ASAH2: variants seen among roughly 807,000 people sequenced by gnomAD.
ASAH2 encodes neutral ceramidase.
A neutral mutation model predicts 82.9 loss-of-function variants in ASAH2; 58 were observed. The ratio of observed to expected loss-of-function variants is 0.70; its 90% CI spans 0.57 to 0.87. The LOEUF is 0.87. ASAH2 is among the 40% of genes least tolerant of loss of function. The pLI is 0.00. For missense variants in ASAH2, 779 were observed against 834.0 expected (o/e 0.93, Z 0.81); for synonymous variants, 276 against 289.7 (o/e 0.95, Z 0.48).
chr10:50,234,646 T>A, intron 5 of ASAH2, 94 bp from the exon 6 acceptor site: 1 of 1,566,734 alleles, frequency 6.4e-7, no homozygotes. Flanking sequence ...CTGTGAACAA[T>A]TTCCTTTGTC....
chr10:50,193,411 G>A (rs1220477135), intron 18 of ASAH2, among the ~76,000 whole-genome samples: 1 of 148,174 alleles, frequency 6.7e-6, no homozygotes, highest in East Asian at 2.1e-4. Flanking sequence ...GCATCATAGA[G>A]AGGATAGCTG....
chr10:50,234,502 A>G lies in ASAH2; in HGVS notation c.738T>C (p.Asn246=), dbSNP rs754661429. The G allele has an allele frequency of 6.2e-7, 1 of 1,612,930 alleles. No individual in the cohort carries two copies. Among genetic ancestry groups the G allele is most frequent in the East Asian group, 2.2e-5 (1 of 44,846 alleles). Residue 246 remains asparagine, a synonymous_variant, in exon 6 of 21, where the codon AAT becomes AAC. Coordinates refer to ENST00000682911, the MANE Select transcript of ASAH2 (RefSeq NM_019893.4). The stretch of plus-strand genomic sequence containing the variant: ...TCTGCACACCATCCACATTTCCTTT[A>G]TTGATGAAGATTTTGCCTGGTTTCA... ...TNMKPGKIFI[N]KGNVDGVQIN...
chr10:50,203,403 A>G (rs1845210533), intron 15 of ASAH2, among the ~76,000 whole-genome samples: 1 of 152,062 alleles, frequency 6.6e-6, no homozygotes, highest in Non-Finnish European at 1.5e-5. Flanking sequence ...TTTAATGTAT[A>G]CAAACATTAT....
chr10:50,202,016 A>G (rs1386712043), intron 16 of ASAH2, among the ~76,000 whole-genome samples: 2 of 152,122 alleles, frequency 1.3e-5, no homozygotes, highest in African/African-American at 4.8e-5. Context: ...GCTTAATAAT[A>G]GTTAGAGGTA....
rs1487915706 is a variant in ASAH2, at chr10:50,245,282, A to G, written c.300T>C (p.Ser100=). ...TPESPLFQNF[S]GYHIGVGRAD... ...CTCGTCCAACACCAATATGGTAGCC[A>G]CTGAAGTTCTGAAATAGAGGAGACT... The change falls in exon 3 of 21, where the codon AGT becomes AGC. Residue 100 remains serine, a synonymous_variant. Transcript: ENST00000682911. The G allele has an allele frequency of 4.3e-6, 7 of 1,614,140 alleles. No homozygotes were observed. The South Asian group carries it at 6.6e-5, about 15-fold the overall frequency.
At position 50,236,036 on chromosome 10, in the gene ASAH2, C is replaced by A; in HGVS notation, c.539G>T (p.Gly180Val). ...EVLNRLQSKYGSLYRRDNVIL... is the reference protein window; with the variant it reads ...EVLNRLQSKYVSLYRRDNVIL... ...GACATTATCTCTTCTGTACAGGGAG[C>A]CATATTTACTCTGCAGTCTGTTCAG... The change falls in exon 5 of 21, where the codon GGC becomes GTC. Residue 180 changes from glycine to valine, a missense_variant. Around this residue, in one of 3 missense-constraint regions of ASAH2, gnomAD observed 759 missense variants for 755.2 expected, o/e 1.00. Transcript: ENST00000682911. 5 of 1,613,110 alleles carry A rather than the reference C, an allele frequency of 3.1e-6. No individual in the cohort carries two copies. In the East Asian group the frequency reaches 1.1e-4, roughly 36 times the overall value.
At chr10:50,200,982 C>A (rs1241737416) in intron 16 of ASAH2, among the ~76,000 whole-genome samples, 1 of 151,812 alleles carries the variant, frequency 6.6e-6, no homozygotes, top group African/African-American at 2.4e-5. Flanking sequence ...CCCATATAAA[C>A]CCCAAACCCC....
At chr10:50,226,852 C>T (rs1845900098) in intron 7 of ASAH2, among the ~76,000 whole-genome samples, 1 of 152,104 alleles carries the variant, frequency 6.6e-6, no homozygotes, top group Non-Finnish European at 1.5e-5. Context: ...AAATAATCTC[C>T]ACCTTTTAAT....
At chr10:50,211,679 T>C (rs1845457621) in intron 10 of ASAH2, among the ~76,000 whole-genome samples, 1 of 152,234 alleles carries the variant, frequency 6.6e-6, no homozygotes. Flanking sequence ...TTCAATCTTA[T>C]GGGAAACATG....
chr10:50,212,949 A>G lies in ASAH2; in HGVS notation c.1227+23T>C, dbSNP rs982302317. 7.8e-4 allele frequency: 1,250 copies of G among 1,602,912 alleles called. 2 individuals are homozygous for G. Among genetic ancestry groups the G allele is most frequent in the Non-Finnish European group, 1.0e-3 (1,203 of 1,170,002 alleles). On this transcript the variant is annotated intron_variant, in intron 10 of 20. Coordinates refer to ENST00000682911, the MANE Select transcript of ASAH2 (RefSeq NM_019893.4). ...AAAGGACAATTTTAAACAAAGATTA[A>G]AGGAGCGAGGCCCATGGCTTACCTT... is the stretch of plus-strand genomic sequence containing the variant.
chr10:50,220,596 C>A (rs1845716923), intron 7 of ASAH2, among the ~76,000 whole-genome samples: 1 of 151,776 alleles, frequency 6.6e-6, no homozygotes, highest in Admixed American at 6.6e-5. Context: ...AACACATGGA[C>A]CAACAGATGC....
Position 50,245,449 on chromosome 10 carries a change from C to G in ASAH2, c.133G>C (p.Gly45Arg). 1 of 1,611,784 alleles carries G rather than the reference C, an allele frequency of 6.2e-7. No homozygotes were observed. Among genetic ancestry groups the G allele is most frequent in the Non-Finnish European group, 8.5e-7 (1 of 1,178,906 alleles). The change falls in exon 3 of 21, where the codon GGA becomes CGA. Residue 45 changes from glycine to arginine, a missense_variant. Transcript: ENST00000682911. The part of the protein sequence containing the change: ...SGTIENHKDL[G>R]GHFFSTTQSP... ...TGGGTGGTTGAAAAAAAATGGCCTC[C>G]TAAATCTAAAACAGAATAAGAGATT...
Position 50,213,493 on chromosome 10 carries a change from A to G in ASAH2, c.1141-435T>C, listed in dbSNP as rs563442798. ...GCTGGACTTCTGGGGAAAAAAATCA[A>G]TAAACAAATCTGGCTCTATTTCCTA... On this transcript the variant is annotated intron_variant, in intron 9 of 20. Transcript: ENST00000682911. 1.0e-3 allele frequency among the ~76,000 whole-genome samples: 154 copies of G among 152,306 alleles called. 1 individual carries two copies. The highest frequency in any genetic ancestry group is 3.6e-3 in the African/African-American group (149 of 41,572).
At chr10:50,202,760 G>T in intron 16 of ASAH2, 69 bp downstream of exon 16, 1 of 1,079,004 alleles carries the variant, frequency 9.3e-7, no homozygotes, top group Non-Finnish European at 1.4e-6. Flanking sequence ...TACAAAGCAA[G>T]TCTGCATTTG....
chr10:50,222,221 A>G (rs1166943135), intron 7 of ASAH2, among the ~76,000 whole-genome samples: 1 of 152,206 alleles, frequency 6.6e-6, no homozygotes, highest in Non-Finnish European at 1.5e-5. Context: ...ATTGGCCACA[A>G]TGGTAACTAT....
At position 50,203,694 on chromosome 10, in the gene ASAH2, A is replaced by C. The variant is rs994572936; in HGVS notation, c.1626-15T>G. The stretch of plus-strand genomic sequence containing the variant: ...CAGACATGGTCCTGAGTCAAGAAAA[A>C]AATTATGTAAACGTTTTCCTACTAG... On this transcript the variant is annotated splice_polypyrimidine_tract_variant and intron_variant, in intron 14 of 20. Coordinates refer to ENST00000682911, the MANE Select transcript of ASAH2 (RefSeq NM_019893.4). 2.0e-3 allele frequency: 3,202 copies of C among 1,611,886 alleles called. 51 individuals are homozygous for C. The African/African-American group carries it at 0.035, about 18-fold the overall frequency.
In ASAH2 at chr10:50,248,497, A is replaced by C. The variant is rs1332408472; in HGVS notation, c.114T>G (p.Ile38Met). 6.2e-7 allele frequency: 1 copy of C among 1,613,716 alleles called. No individual in the cohort carries two copies. The highest frequency in any genetic ancestry group is 8.5e-7 in the Non-Finnish European group (1 of 1,179,710). The change falls in exon 2 of 21, where the codon ATT becomes ATG. Residue 38 changes from isoleucine (I) to methionine (M), a missense_variant. By Grantham distance (10) the Ile-to-Met change is conservative (BLOSUM62 1). This residue lies in a region of ASAH2 where 759 missense variants were observed against 755.2 expected (regional missense o/e 1.00). Transcript: ENST00000682911. ...CATGACACTTGCCTTTGTGGTTTTC[A>C]ATGGTCCCACTGGTGATAAACAAGA... The part of the protein sequence containing the change: ...LSLLFITSGT[I>M]ENHKDLGGHF...
chr10:50,203,600 A>G, intron 15 of ASAH2, 40 bp downstream of exon 15: 2 of 1,159,626 alleles, frequency 1.7e-6, no homozygotes, highest in Non-Finnish European at 1.3e-6. Flanking sequence ...CTCTTCACCA[A>G]ACATGAACAT....
At chr10:50,214,604 T>C in intron 9 of ASAH2, 139 bp downstream of exon 9, 1 of 1,049,300 alleles carries the variant, frequency 9.5e-7, no homozygotes, top group Non-Finnish European at 1.4e-6. Context: ...GACAGGTGCT[T>C]TTGAGAAGAG....
Sources: allele counts gnomAD v4.1 joint callset (sites outside exome capture counted in the v4.1 genomes callset), GRCh38; gene constraint gnomAD v4.1.1; regional missense constraint gnomAD v4.1.1; transcripts MANE v1.5; gene names NCBI Gene and HGNC (gene_info 2026-07-23, HGNC 2026-07-21).